The following PTPRJ variants were observed in gnomAD, a reference collection of about 807,000 sequenced individuals.
PTPRJ encodes the protein protein tyrosine phosphatase receptor type J.
PTPRJ carries 129 observed loss-of-function variants against 141.3 expected under a neutral mutation model. That is an observed-to-expected ratio of 0.91 (90% confidence interval 0.79 to 1.06). The LOEUF is 1.06. PTPRJ is among the 50% of genes least tolerant of loss of function. PTPRJ has a pLI of 0.00. For synonymous variants in PTPRJ, 610 were observed against 640.5 expected, an observed-to-expected ratio of 0.95 and a Z score of 0.72; for missense variants, 1,601 against 1,679.7, an observed-to-expected ratio of 0.95 and a Z score of 0.82.
chr11:48,021,340 C>T (rs1187842286), intron 1 of PTPRJ, among the ~76,000 whole-genome samples: 1 of 151,106 alleles, frequency 6.6e-6, no homozygotes, highest in Non-Finnish European at 1.5e-5. Context: ...CGCCATTGCA[C>T]TCCAGCCTGG....
At chr11:48,148,800 A>T (rs1590559147) in intron 15 of PTPRJ, among the ~76,000 whole-genome samples, 1 of 152,252 alleles carries the variant, frequency 6.6e-6, no homozygotes, top group East Asian at 1.9e-4. Flanking sequence ...GATCTAGTTA[A>T]CCAATTTCCT....
At chr11:48,030,499 C>A (rs1290005990) in intron 1 of PTPRJ, among the ~76,000 whole-genome samples, 1 of 152,146 alleles carries the variant, frequency 6.6e-6, no homozygotes, top group African/African-American at 2.4e-5. Context: ...CAAGAGGAGG[C>A]CTTTCAGCTG....
chr11:47,984,390 G>C (rs948849129), intron 1 of PTPRJ, among the ~76,000 whole-genome samples: 5 of 152,128 alleles, frequency 3.3e-5, no homozygotes, highest in South Asian at 2.1e-4. Context: ...TTTGAGTGCA[G>C]GATAAGAGGC....
At chr11:48,032,848 C>T (rs746873233) in intron 1 of PTPRJ, among the ~76,000 whole-genome samples, 2 of 152,178 alleles carry the variant, frequency 1.3e-5, no homozygotes, top group African/African-American at 4.8e-5. Flanking sequence ...GTTCCAAACA[C>T]TGGGGATATG....
chr11:48,167,954 G>A lies in PTPRJ; in HGVS notation c.*592G>A, dbSNP rs969811619. The A allele has an allele frequency of 6.6e-6, 1 of 152,168 alleles. No homozygotes were observed. Among genetic ancestry groups the A allele is most frequent in the Admixed American group, 6.5e-5 (1 of 15,276 alleles). 9.4% of individuals were successfully genotyped at this position (152,168 alleles called of 1,614,324 possible). On this transcript the variant is annotated 3_prime_UTR_variant, in exon 25 of 25. Transcript: ENST00000418331. ...ATTTTTGTACTGAATCTCATAATTGGAATATACGGAATATTTAAACAGTAG... is the reference window on the plus strand; with the variant it reads ...ATTTTTGTACTGAATCTCATAATTGAAATATACGGAATATTTAAACAGTAG...
intron 1 of PTPRJ, among the ~76,000 whole-genome samples, chr11:48,005,859 T>A (rs928537928): frequency 1.3e-5 from 2 of 152,200 alleles, no homozygotes; most frequent in Non-Finnish European, 2.9e-5. Flanking sequence ...ATTATCCCCT[T>A]TTTGCAGATG....
chr11:48,029,366 A>G lies in PTPRJ; in HGVS notation c.96+48358A>G, dbSNP rs1042356268. ...TCAAGGTAATGCATTTACATGTTACATAAAATTCATATCATACAGAAAGGC... is the reference window on the plus strand; with the variant it reads ...TCAAGGTAATGCATTTACATGTTACGTAAAATTCATATCATACAGAAAGGC... On this transcript the variant is annotated intron_variant, in intron 1 of 24. Transcript: ENST00000418331. Among the ~76,000 whole-genome samples, 4 of 152,252 alleles carry G rather than the reference A, an allele frequency of 2.6e-5. No homozygotes were observed. The East Asian group carries it at 7.7e-4, about 29-fold the overall frequency.
At chr11:48,031,580 C>G (rs1046972677) in intron 1 of PTPRJ, among the ~76,000 whole-genome samples, 4 of 152,164 alleles carry the variant, frequency 2.6e-5, no homozygotes, top group African/African-American at 9.7e-5. Context: ...CGGGATGAAG[C>G]ACTTGGATGC....
At chr11:48,103,506 C>A (rs1428187765) in intron 1 of PTPRJ, among the ~76,000 whole-genome samples, 1 of 151,824 alleles carries the variant, frequency 6.6e-6, no homozygotes, top group African/African-American at 2.4e-5. Context: ...CAAAACAAAC[C>A]AAAAAAACCA....
In PTPRJ at chr11:48,132,582, T is replaced by C. The variant is rs1024679589; in HGVS notation, c.1615+1866T>C. Reference sequence around the variant, plus strand: ...TTATACAGAGGGTAGAATAAAGATATACCTAATGTAAATGATGAGTTAATG... The same window carrying C: ...TTATACAGAGGGTAGAATAAAGATACACCTAATGTAAATGATGAGTTAATG... On this transcript the variant is annotated intron_variant, in intron 8 of 24. Transcript: ENST00000418331. The C allele has an allele frequency of 1.0e-5, 10 of 964,916 alleles. No individual in the cohort carries two copies. In the African/African-American group the frequency reaches 1.6e-4, roughly 15 times the overall value. The allele number at this position is 964,916 out of a possible 1,614,324, so 59.8% of individuals were successfully genotyped here.
At chr11:48,126,055 T>C (rs1856821027) in intron 6 of PTPRJ, among the ~76,000 whole-genome samples, 1 of 152,018 alleles carries the variant, frequency 6.6e-6, no homozygotes, top group Non-Finnish European at 1.5e-5. Flanking sequence ...GGCTCCTATG[T>C]GGGTGCGGTT....
intron 1 of PTPRJ, among the ~76,000 whole-genome samples, chr11:48,055,822 T>C (rs1424263295): frequency 2.0e-5 from 3 of 152,220 alleles, no homozygotes; most frequent in South Asian, 2.1e-4. Flanking sequence ...TTGGCTCAGC[T>C]CTGCGAGTGC....
At chr11:48,152,905 T>C (rs1030881108) in intron 18 of PTPRJ, among the ~76,000 whole-genome samples, 1 of 152,216 alleles carries the variant, frequency 6.6e-6, no homozygotes, top group Non-Finnish European at 1.5e-5. Flanking sequence ...GTCTTGGCAG[T>C]GCAGGCTTGT....
intron 1 of PTPRJ, among the ~76,000 whole-genome samples, chr11:48,094,773 C>T (rs1347123560): frequency 6.6e-6 from 1 of 152,148 alleles, no homozygotes; most frequent in Non-Finnish European, 1.5e-5. Context: ...CAGAGAGGCT[C>T]TCAAACGTTA....
intron 24 of PTPRJ, among the ~76,000 whole-genome samples, chr11:48,166,238 C>T (rs1287836749): frequency 6.6e-6 from 1 of 151,728 alleles, no homozygotes; most frequent in South Asian, 2.1e-4. Context: ...GTTTGGTGTA[C>T]ATCTTTATAA....
intron 6 of PTPRJ, among the ~76,000 whole-genome samples, chr11:48,126,899 A>ACCATC (rs1216119490): frequency 6.6e-6 from 1 of 151,974 alleles, no homozygotes; most frequent in African/African-American, 2.4e-5. Flanking sequence ...GGTTAAGGAA[A>ACCATC]CCATCAGAGG....
rs1856693725 is a variant in PTPRJ at position 48,121,070 on chromosome 11, A to G, written c.420A>G (p.Lys140=). The change falls in exon 4 of 25, where the codon AAA becomes AAG. Residue 140 remains lysine (K), a synonymous_variant. Transcript: ENST00000418331. ...CAACCAATGTGATCTTAACTTGGAA[A>G]AGTAATGACACAGCTGCTTCTGAGT... ...ISPTNVILTW[K]SNDTAASEYK... 1 of 1,613,888 alleles carries G rather than the reference A, an allele frequency of 6.2e-7. No individual in the cohort carries two copies. The highest frequency in any genetic ancestry group is 1.1e-5 in the South Asian group (1 of 91,064).
At chr11:48,087,376 T>C (rs1368447724) in intron 1 of PTPRJ, among the ~76,000 whole-genome samples, 1 of 152,174 alleles carries the variant, frequency 6.6e-6, no homozygotes. Context: ...TGGAGGAAAA[T>C]ATTTCCTTTT....
At chr11:48,144,438 G>A (rs1042045284) in intron 12 of PTPRJ, among the ~76,000 whole-genome samples, 9 of 152,136 alleles carry the variant, frequency 5.9e-5, no homozygotes, top group Non-Finnish European at 1.0e-4. Flanking sequence ...TTGTACCTTC[G>A]TTTTCTTGTC....
Sources: allele counts gnomAD v4.1 joint callset (sites outside exome capture counted in the v4.1 genomes callset), GRCh38; gene constraint gnomAD v4.1.1; transcripts MANE v1.5; gene names NCBI Gene and HGNC (gene_info 2026-07-23, HGNC 2026-07-21).